ZNF595: variants seen among roughly 807,000 people sequenced by gnomAD.
ZNF595 encodes the protein zinc finger protein 595.
A neutral mutation model predicts 19.4 loss-of-function variants in ZNF595; 9 were observed. The ratio of observed to expected loss-of-function variants is 0.46; its 90% CI spans 0.28 to 0.81. The LOEUF (loss-of-function observed/expected upper bound fraction) is 0.81. Ranked by LOEUF, ZNF595 falls within the 30% of genes least tolerant of loss-of-function variation. The probability of loss-of-function intolerance (pLI) is 0.11; values close to 1 mark genes in which losing one functional copy is unlikely to be tolerated. For synonymous variants in ZNF595, 255 were observed against 255.9 expected, an observed-to-expected ratio of 1.00 and a Z score of 0.03; for missense variants, 729 against 736.0, an observed-to-expected ratio of 0.99 and a Z score of 0.11.
At chr4:78,451 A>G (rs1182880781) in intron 3 of ZNF595, among the ~76,000 whole-genome samples, 2 of 152,330 alleles carry the variant, frequency 1.3e-5, no homozygotes, top group South Asian at 2.1e-4. Context: ...TCTATTGCCT[A>G]TAAAAGTTAT....
intron 3 of ZNF595, among the ~76,000 whole-genome samples, chr4:75,603 T>G (rs1404651108): frequency 6.6e-6 from 1 of 152,172 alleles, no homozygotes; most frequent in Non-Finnish European, 1.5e-5. Flanking sequence ...AACTAAATCT[T>G]TATATATTTT....
At chr4:75,560 C>G (rs1553798580) in intron 3 of ZNF595, among the ~76,000 whole-genome samples, 1 of 152,186 alleles carries the variant, frequency 6.6e-6, no homozygotes, top group Non-Finnish European at 1.5e-5. Context: ...TTGGAGAGGA[C>G]TCTCAAACCA....
intron 3 of ZNF595, among the ~76,000 whole-genome samples, chr4:77,188 C>CT (rs558395401): frequency 6.7e-6 from 1 of 149,982 alleles, no homozygotes; most frequent in Non-Finnish European, 1.5e-5. Context: ...ACTTTGCTGA[C>CT]TTTTTTTCTG....
Position 86,777 on chromosome 4 carries a change from A to G in ZNF595, c.1273A>G (p.Thr425Ala), listed in dbSNP as rs1195585278. The change falls in exon 4 of 4, where the codon ACG (threonine) becomes GCG (alanine). Residue 425 changes from threonine to alanine, a missense_variant. Thr to Ala is a moderately conservative substitution (Grantham distance 58). Around this residue, in one of 2 missense-constraint regions of ZNF595, gnomAD observed 729 missense variants for 675.3 expected, o/e 1.08. Transcript: ENST00000610261. ...KRIHTGEKPY[T>A]CEECGKAFNQ... is the part of the protein sequence containing the mutation. ...AATTCATACTGGAGAGAAACCCTACACGTGCGAAGAATGTGGCAAAGCTTT... is the reference window on the plus strand; with the variant it reads ...AATTCATACTGGAGAGAAACCCTACGCGTGCGAAGAATGTGGCAAAGCTTT... 2.5e-6 allele frequency: 4 copies of G among 1,613,848 alleles called. No individual in the cohort carries two copies. Among genetic ancestry groups the G allele is most frequent in the African/African-American group, 2.7e-5 (2 of 74,920 alleles).
At chr4:82,356 A>AT (rs1378328448) in intron 3 of ZNF595, among the ~76,000 whole-genome samples, 2 of 94,208 alleles carry the variant, frequency 2.1e-5, no homozygotes, top group Non-Finnish European at 4.8e-5. Context: ...ACAAAAGTCC[A>AT]TTTTTTTGGT....
chr4:86,641 G>T lies in ZNF595; in HGVS notation c.1137G>T (p.Trp379Cys). The T allele has an allele frequency of 1.9e-6, 3 of 1,609,682 alleles. No homozygotes were observed. Among genetic ancestry groups the T allele is most frequent in the Non-Finnish European group, 2.5e-6 (3 of 1,178,150 alleles). ...KCEECGKAFTWSSSLNKHKRI... is the reference protein window; with the variant it reads ...KCEECGKAFTCSSSLNKHKRI... ...AAGAATGTGGCAAAGCCTTTACTTG[G>T]TCCTCATCCCTTAATAAACATAAGA... Residue 379 changes from tryptophan to cysteine, a missense_variant, in exon 4 of 4, where the codon TGG (tryptophan) becomes TGT (cysteine). Transcript: ENST00000610261.
At chr4:78,100 C>G (rs997760792) in intron 3 of ZNF595, among the ~76,000 whole-genome samples, 1 of 152,198 alleles carries the variant, frequency 6.6e-6, no homozygotes, top group Admixed American at 6.5e-5. Flanking sequence ...GCTCCGCCTT[C>G]CTGGTTCACG....
At position 87,250 on chromosome 4, in the gene ZNF595, TAA is replaced by T; in HGVS notation, c.1747_1748del (p.Lys583GlufsTer12). 6.3e-7 allele frequency: 1 copy of T among 1,594,380 alleles called. No homozygotes were observed. Among genetic ancestry groups the T allele is most frequent in the Non-Finnish European group, 8.6e-7 (1 of 1,167,418 alleles). On this transcript the variant is annotated frameshift_variant, in exon 4 of 4. Coordinates refer to ENST00000610261, the MANE Select transcript of ZNF595 (RefSeq NM_182524.4). LOFTEE classifies it high-confidence loss of function. ...ACTTATCCTCAACCCTTACTAAACA[TAA>T]GAGAATTCATACTGGAGAGAAACCC... ...YNLSSTLTKHKRIHTGEKPFT... is the reference protein window; with the variant it reads ...YNLSSTLTKHXRIHTGEKPFT...
Position 85,714 on chromosome 4 carries a change from A to G in ZNF595, c.227-17A>G, listed in dbSNP as rs1714106529. The G allele has an allele frequency of 6.5e-7, 1 of 1,530,076 alleles. No individual in the cohort carries two copies. Among genetic ancestry groups the G allele is most frequent in the Non-Finnish European group, 8.8e-7 (1 of 1,142,018 alleles). 94.8% of individuals were successfully genotyped at this position (1,530,076 alleles called of 1,614,324 possible). ...AATCTAGTAAGTGGGATAATTTGTT[A>G]TTTTTATTTCTTTCAGCTATATGTT... On this transcript the variant is annotated splice_polypyrimidine_tract_variant and intron_variant, in intron 3 of 3. Transcript: ENST00000610261.
At chr4:70,292 T>C (rs1713374542) in intron 3 of ZNF595, among the ~76,000 whole-genome samples, 1 of 152,140 alleles carries the variant, frequency 6.6e-6, no homozygotes, top group Admixed American at 6.5e-5. Context: ...AGTTTCGTTC[T>C]TCTGAATATG....
Position 86,118 on chromosome 4 carries a change from G to T in ZNF595, c.614G>T (p.Cys205Phe). The change falls in exon 4 of 4, where the codon TGT (cysteine) becomes TTT (phenylalanine). Residue 205 changes from cysteine (C) to phenylalanine (F), a missense_variant. Around this residue, in one of 2 missense-constraint regions of ZNF595, gnomAD observed 729 missense variants for 675.3 expected, o/e 1.08. Transcript: ENST00000610261. ...GAGAAACCCTACAAATGTGAAAAAT[G>T]TGGCAAAGCCTTTAATAGGTCCACA... ...AGEKPYKCEK[C>F]GKAFNRSTSL... 1 of 1,613,674 alleles carries T rather than the reference G, an allele frequency of 6.2e-7. No homozygotes were observed. The highest frequency in any genetic ancestry group is 1.7e-5 in the Admixed American group (1 of 59,976).
At chr4:70,417 A>C (rs1553797704) in intron 3 of ZNF595, among the ~76,000 whole-genome samples, 4 of 151,452 alleles carry the variant, frequency 2.6e-5, no homozygotes, top group African/African-American at 7.3e-5. Context: ...GGCTCACTGC[A>C]ACCTCTGCCT....
At chr4:64,262 C>G (rs1581327859) in intron 3 of ZNF595, among the ~76,000 whole-genome samples, 5,728 of 139,292 alleles carry the variant, frequency 0.041, no homozygotes, top group South Asian at 0.093. Flanking sequence ...CCAGGCTCAT[C>G]TCAAACTCCT....
At chr4:64,400 T>C (rs1712996197) in intron 3 of ZNF595, among the ~76,000 whole-genome samples, 3 of 152,406 alleles carry the variant, frequency 2.0e-5, no homozygotes, top group Non-Finnish European at 2.9e-5. Flanking sequence ...CAACAAACTT[T>C]CCAAAAAAGA....
At chr4:85,397 G>A (rs1714089748) in intron 3 of ZNF595, among the ~76,000 whole-genome samples, 1 of 152,166 alleles carries the variant, frequency 6.6e-6, no homozygotes, top group South Asian at 2.1e-4. Flanking sequence ...TAAGAAGCCA[G>A]GAGTTGACAG....
chr4:77,969 A>G (rs531435506), intron 3 of ZNF595, among the ~76,000 whole-genome samples: 13 of 151,850 alleles, frequency 8.6e-5, no homozygotes, highest in Non-Finnish European at 1.9e-4. Context: ...CTGCTTCAGG[A>G]TACACAGCTG....
chr4:83,224 T>C (rs998000685), intron 3 of ZNF595, among the ~76,000 whole-genome samples: 1 of 152,152 alleles, frequency 6.6e-6, no homozygotes, highest in African/African-American at 2.4e-5. Flanking sequence ...TTGGGTAATA[T>C]AATTTTGACC....
chr4:54,877 C>T (rs1158189241), intron 1 of ZNF595, among the ~76,000 whole-genome samples: 6 of 152,324 alleles, frequency 3.9e-5, no homozygotes, highest in Non-Finnish European at 7.4e-5. Flanking sequence ...CTGCCCTGCT[C>T]CCACTCATGG....
chr4:77,923 A>C (rs1323403961), intron 3 of ZNF595, among the ~76,000 whole-genome samples: 1 of 152,026 alleles, frequency 6.6e-6, no homozygotes, highest in Non-Finnish European at 1.5e-5. Context: ...CTGACCCTTG[A>C]ACACAGCTGT....
Sources: allele counts gnomAD v4.1 joint callset (sites outside exome capture counted in the v4.1 genomes callset), GRCh38; gene constraint gnomAD v4.1.1; regional missense constraint gnomAD v4.1.1; transcripts MANE v1.5; gene names NCBI Gene and HGNC (gene_info 2026-07-23, HGNC 2026-07-21).